IDO2: variants seen among roughly 807,000 people sequenced by gnomAD.
The protein encoded by IDO2 is indoleamine 2,3-dioxygenase-like 1 protein.
A neutral mutation model predicts 45.1 loss-of-function variants in IDO2; 46 were observed. The ratio of observed to expected loss-of-function variants is 1.02; its 90% CI spans 0.80 to 1.30. IDO2 has a LOEUF of 1.30. IDO2 is among the 50% of genes most tolerant of loss of function. The probability of loss-of-function intolerance (pLI) is 0.00; values close to 1 mark genes in which losing one functional copy is unlikely to be tolerated. For synonymous variants in IDO2, 218 were observed against 184.9 expected (o/e 1.18, Z -1.45); for missense variants, 544 against 491.8 (o/e 1.11, Z -1.00).
chr8:39,977,536 C>G (rs1332801063), intron 3 of IDO2, among the ~76,000 whole-genome samples: 5 of 152,130 alleles, frequency 3.3e-5, no homozygotes, highest in Admixed American at 3.3e-4. Context: ...TTAAAATTAG[C>G]CAGATGCAGT....
intron 1 of IDO2, among the ~76,000 whole-genome samples, chr8:39,936,859 G>A (rs1012878806): frequency 1.3e-5 from 2 of 152,194 alleles, no homozygotes; most frequent in South Asian, 2.1e-4. Flanking sequence ...AAACGTGGAA[G>A]TCGTCCTTCC....
At chr8:40,013,784 TTGATAA>T in intron 10 of IDO2, 71 bp downstream of exon 10, 1 of 614,006 alleles carries the variant, frequency 1.6e-6, no homozygotes, top group Non-Finnish European at 2.5e-6. Flanking sequence ...TTTTTTCCAA[TTGATAA>T]AACCAAATAT....
At chr8:39,967,262 CAT>C (rs1376995000) in intron 3 of IDO2, among the ~76,000 whole-genome samples, 1 of 151,974 alleles carries the variant, frequency 6.6e-6, no homozygotes, top group Non-Finnish European at 1.5e-5. Flanking sequence ...AAACTTCCAA[CAT>C]ATAAGCACAA....
rs371741102 is a variant in IDO2, at chr8:40,005,759, A to C, written c.719+381A>C. On this transcript the variant is annotated intron_variant, in intron 9 of 10. Coordinates refer to ENST00000502986, the Ensembl canonical transcript of IDO2. The stretch of plus-strand genomic sequence containing the variant: ...GTAGTATAGAGTTGGATAGCATCGA[A>C]GCTTTCTTCTAAAGTTCCTGGAAGA... Among the ~76,000 whole-genome samples the C allele has an allele frequency of 7.2e-5, 11 of 152,224 alleles. No individual in the cohort carries two copies. The East Asian group carries it at 2.1e-3, about 29-fold the overall frequency.
At chr8:39,965,987 C>A (rs913107461) in intron 3 of IDO2, among the ~76,000 whole-genome samples, 3 of 150,682 alleles carry the variant, frequency 2.0e-5, no homozygotes, top group Non-Finnish European at 2.9e-5. Context: ...GTTATGGCAG[C>A]GCATAAAACT....
At chr8:39,949,160 A>G (rs764402125) in exon 2 of IDO2, 12 of 1,604,510 alleles carry the variant, frequency 7.5e-6, no homozygotes, top group Non-Finnish European at 1.0e-5. Flanking sequence ...TACTTCAAAC[A>G]AAATAATGGA....
chr8:40,012,171 T>C (rs1381053437), intron 9 of IDO2, among the ~76,000 whole-genome samples: 1 of 152,142 alleles, frequency 6.6e-6, no homozygotes, highest in African/African-American at 2.4e-5. Flanking sequence ...TGTGTGTATG[T>C]CCCTTCTCTT....
chr8:39,949,116 A>G (rs1807779015), intron 1 of IDO2, 33 bp from the exon 2 acceptor site: 12 of 1,566,644 alleles, frequency 7.7e-6, no homozygotes, highest in Non-Finnish European at 1.0e-5. Context: ...TTTATTAGGA[A>G]CAATTGATTC....
At chr8:40,000,067 T>G (rs1284494202) in intron 8 of IDO2, among the ~76,000 whole-genome samples, 1 of 152,310 alleles carries the variant, frequency 6.6e-6, no homozygotes, top group East Asian at 1.9e-4. Flanking sequence ...TTTAAAGACT[T>G]ATTTAATTTA....
intron 1 of IDO2, among the ~76,000 whole-genome samples, chr8:39,942,904 CAT>C: frequency 6.6e-6 from 1 of 152,098 alleles, no homozygotes; most frequent in Non-Finnish European, 1.5e-5. Flanking sequence ...AAAAAAACCA[CAT>C]GACTAACATA....
At chr8:40,016,078 G>A in exon 11 of IDO2, 1 of 391,414 alleles carries the variant, frequency 2.6e-6, no homozygotes, top group Non-Finnish European at 4.5e-6. Context: ...AATGTGTTGA[G>A]TTGGTGGCAG....
rs141011684 is a variant in IDO2, at chr8:39,937,212, T to G, written c.-18+1994T>G. Among the ~76,000 whole-genome samples the G allele has an allele frequency of 5.4e-4, 82 of 152,348 alleles. No homozygotes were observed. The Middle Eastern group carries it at 0.014, about 25-fold the overall frequency. On this transcript the variant is annotated intron_variant, in intron 1 of 10. Coordinates refer to ENST00000502986, the Ensembl canonical transcript of IDO2. ...ACTCTGTGGAGCTCTGTGGATACAG[T>G]TGAATGATGGCTCCCAGTTTATCAT...
chr8:39,944,345 A>G (rs1187685184), intron 1 of IDO2, among the ~76,000 whole-genome samples: 1 of 152,138 alleles, frequency 6.6e-6, no homozygotes, highest in Non-Finnish European at 1.5e-5. Flanking sequence ...GGACTACCAC[A>G]ATGTGAGTCT....
chr8:40,008,873 G>A (rs112213851), intron 9 of IDO2, among the ~76,000 whole-genome samples: 145 of 152,234 alleles, frequency 9.5e-4, no homozygotes, highest in Middle Eastern at 3.4e-3. Context: ...GGCCAGTACC[G>A]AATCCTACAT....
chr8:39,963,723 C>G lies in IDO2; in HGVS notation c.195+20C>G. On this transcript the variant is annotated intron_variant, in intron 3 of 10. Coordinates refer to ENST00000502986, the Ensembl canonical transcript of IDO2. Reference sequence around the variant, plus strand: ...GACAAGGTATTCTTCTCTTCACCCCCTCATCACATTCTGTTTTCATCATCA... The same window carrying G: ...GACAAGGTATTCTTCTCTTCACCCCGTCATCACATTCTGTTTTCATCATCA... 7.1e-7 allele frequency: 1 copy of G among 1,405,968 alleles called. No homozygotes were observed. The highest frequency in any genetic ancestry group is 1.2e-5 in the South Asian group (1 of 83,136). The allele number at this position is 1,405,968 out of a possible 1,614,324, so 87.1% of individuals were successfully genotyped here.
intron 1 of IDO2, among the ~76,000 whole-genome samples, chr8:39,946,523 C>T (rs1016602728): frequency 3.9e-5 from 6 of 152,178 alleles, no homozygotes; most frequent in African/African-American, 1.4e-4. Context: ...AGGAGAATCA[C>T]TTGAACCTGG....
chr8:39,972,582 C>G (rs1201479327), intron 3 of IDO2, among the ~76,000 whole-genome samples: 1 of 120,876 alleles, frequency 8.3e-6, no homozygotes, highest in Non-Finnish European at 1.6e-5. Flanking sequence ...TGCACTCCAG[C>G]CCGGGTAACA....
chr8:39,972,035 C>G (rs1198666000), intron 3 of IDO2, among the ~76,000 whole-genome samples: 3 of 152,096 alleles, frequency 2.0e-5, no homozygotes, highest in African/African-American at 7.2e-5. Flanking sequence ...GTCTCAAACT[C>G]CTGGCATCAG....
chr8:40,002,125 T>C (rs1802147202), intron 8 of IDO2, among the ~76,000 whole-genome samples: 1 of 152,200 alleles, frequency 6.6e-6, no homozygotes, highest in Non-Finnish European at 1.5e-5. Context: ...AAAGTTGTTT[T>C]GTCTTTCACT....
Sources: gnomAD v4.1 joint callset for allele counts (sites outside exome capture counted in the v4.1 genomes callset) on GRCh38, gnomAD v4.1.1 for gene constraint, MANE v1.5 for transcripts, NCBI Gene and HGNC (gene_info 2026-07-23, HGNC 2026-07-21) for gene names.